The following PCDHA2 variants were observed in gnomAD, a reference collection of about 807,000 sequenced individuals.
PCDHA2 encodes the protein protocadherin alpha-2.
PCDHA2 carries 58 observed loss-of-function variants against 66.0 expected under a neutral mutation model. That is an observed-to-expected ratio of 0.88 (90% CI 0.71 to 1.09). The LOEUF is 1.09. PCDHA2 is among the 50% of genes least tolerant of loss of function. The pLI is 0.00. For synonymous variants in PCDHA2, 634 were observed against 554.0 expected (o/e 1.14, Z -2.03); for missense variants, 1,267 against 1,242.3 (o/e 1.02, Z -0.30).
At chr5:140,880,791 A>G (rs950375774) in intron 1 of PCDHA2, among the ~76,000 whole-genome samples, 4 of 152,242 alleles carry the variant, frequency 2.6e-5, no homozygotes, top group Non-Finnish European at 4.4e-5. Context: ...GAGGAGTAAT[A>G]TAAATAGGTG....
chr5:140,863,525 C>A, intron 1 of PCDHA2: 1 of 394,654 alleles, frequency 2.5e-6, no homozygotes, highest in South Asian at 2.0e-5. Context: ...TCCCATGGTT[C>A]AGATTTTGGA....
At chr5:140,940,101 G>A (rs754155361) in intron 1 of PCDHA2, among the ~76,000 whole-genome samples, 23 of 152,148 alleles carry the variant, frequency 1.5e-4, no homozygotes, top group Non-Finnish European at 3.2e-4. Flanking sequence ...AACTTTTAGC[G>A]TTATGTATTA....
chr5:140,909,620 A>C (rs576090849), intron 1 of PCDHA2, among the ~76,000 whole-genome samples: 1 of 152,122 alleles, frequency 6.6e-6, no homozygotes. Flanking sequence ...GGCAGCTCTA[A>C]TTGGTCTTCC....
chr5:140,886,815 A>G (rs1251237856), intron 1 of PCDHA2, among the ~76,000 whole-genome samples: 1 of 149,622 alleles, frequency 6.7e-6, no homozygotes, highest in African/African-American at 2.5e-5. Context: ...TGACAGAGCA[A>G]GACTTCGTCT....
chr5:141,004,142 G>A (rs1323224367), intron 3 of PCDHA2, among the ~76,000 whole-genome samples: 2 of 152,214 alleles, frequency 1.3e-5, no homozygotes, highest in African/African-American at 4.8e-5. Flanking sequence ...TGCCCCAAAG[G>A]CATGACATTT....
chr5:140,991,838 G>T (rs1056330823), intron 3 of PCDHA2, among the ~76,000 whole-genome samples: 1 of 152,110 alleles, frequency 6.6e-6, no homozygotes, highest in Non-Finnish European at 1.5e-5. Context: ...CGGCAGAACC[G>T]CACTTCCAGA....
chr5:140,829,358 T>C (rs2150166463), intron 1 of PCDHA2: 4 of 1,614,154 alleles, frequency 2.5e-6, no homozygotes, highest in Admixed American at 1.7e-5. Context: ...GGCCTATGAG[T>C]TGGTGGTAAC....
intron 3 of PCDHA2, among the ~76,000 whole-genome samples, chr5:140,993,452 T>C (rs1218728585): frequency 1.5e-5 from 2 of 135,256 alleles, no homozygotes; most frequent in Non-Finnish European, 3.1e-5. Flanking sequence ...CTGTTCTCCT[T>C]CTTTCTTTCT....
intron 1 of PCDHA2, chr5:140,868,884 T>G (rs2050712940): frequency 1.4e-6 from 1 of 728,466 alleles, no homozygotes; most frequent in South Asian, 2.1e-5. Context: ...ACTCACAGTT[T>G]TAGGCGCAAG....
chr5:140,894,827 T>G (rs2064691411), intron 1 of PCDHA2, among the ~76,000 whole-genome samples: 1 of 152,192 alleles, frequency 6.6e-6, no homozygotes, highest in South Asian at 2.1e-4. Flanking sequence ...TTGCCCATAA[T>G]CCTTTTCTTA....
chr5:140,814,452 T>G (rs2126655558), intron 1 of PCDHA2: 22 of 151,548 alleles, frequency 1.5e-4, no homozygotes, highest in Non-Finnish European at 2.9e-4. Flanking sequence ...CTTTTTTCTT[T>G]TTTTTTTTTG....
At chr5:140,941,244 T>TTTCG (rs2092953100) in intron 1 of PCDHA2, among the ~76,000 whole-genome samples, 1 of 141,602 alleles carries the variant, frequency 7.1e-6, no homozygotes, top group South Asian at 2.3e-4. Context: ...TCTTTCTTTC[T>TTTCG]TTCTTTCTTT....
chr5:140,912,241 T>C (rs939016891), intron 1 of PCDHA2, among the ~76,000 whole-genome samples: 1 of 152,164 alleles, frequency 6.6e-6, no homozygotes, highest in African/African-American at 2.4e-5. Flanking sequence ...GACTCAAATG[T>C]TAATCTCCTT....
At chr5:140,849,860 C>A in intron 1 of PCDHA2, 1 of 1,598,548 alleles carries the variant, frequency 6.3e-7, no homozygotes, top group South Asian at 1.1e-5. Flanking sequence ...CACCAGCGTT[C>A]GCGCAGTCCG....
intron 1 of PCDHA2, chr5:140,969,617 A>G (rs2096348108): frequency 4.3e-6 from 3 of 705,552 alleles, no homozygotes; most frequent in Non-Finnish European, 6.8e-6. Context: ...ACAGATTTGT[A>G]GAGAAACAGG....
At position 140,917,315 on chromosome 5, in the gene PCDHA2, T is replaced by C. The variant is rs1015690007; in HGVS notation, c.2389-61634T>C. Among the ~76,000 whole-genome samples, 5 of 128,328 alleles carry C rather than the reference T, an allele frequency of 3.9e-5. No homozygotes were observed. In the East Asian group the frequency reaches 1.3e-3, roughly 32 times the overall value. 84.2% of individuals were successfully genotyped at this position (128,328 alleles called of 152,430 possible). A position where few individuals can be genotyped will look rare whatever the true frequency, so the allele number is the denominator to read the frequency against. On this transcript the variant is annotated intron_variant, in intron 1 of 3. Coordinates refer to ENST00000526136, the MANE Select transcript of PCDHA2 (RefSeq NM_018905.3). Reference sequence around the variant, plus strand: ...TGCAGATAGTTGTTACAATTTGGTGTTCATGTGGCGGGGGAGGGGGGGGAT... The same window carrying C: ...TGCAGATAGTTGTTACAATTTGGTGCTCATGTGGCGGGGGAGGGGGGGGAT...
intron 1 of PCDHA2, among the ~76,000 whole-genome samples, chr5:140,893,162 G>A (rs2063851714): frequency 6.6e-6 from 1 of 152,202 alleles, no homozygotes; most frequent in Non-Finnish European, 1.5e-5. Flanking sequence ...GGATATTGAG[G>A]TTGATTCCAC....
intron 1 of PCDHA2, among the ~76,000 whole-genome samples, chr5:140,798,009 C>A (rs1452528045): frequency 6.6e-6 from 1 of 152,128 alleles, no homozygotes; most frequent in Non-Finnish European, 1.5e-5. Flanking sequence ...CCCACCACCA[C>A]GCCCGGCTAT....
In PCDHA2 at chr5:140,848,617, A is replaced by G; in HGVS notation, c.2388+51265A>G. The G allele has an allele frequency of 4.4e-6, 7 of 1,593,554 alleles. 2 individuals carry two copies. Among genetic ancestry groups the G allele is most frequent in the Non-Finnish European group, 6.0e-6 (7 of 1,163,964 alleles). On this transcript the variant is annotated intron_variant, in intron 1 of 3. Coordinates refer to ENST00000526136, the MANE Select transcript of PCDHA2 (RefSeq NM_018905.3). Reference sequence around the variant, plus strand: ...TACTCCGTCCCGGAGGAAGCCGAACACGGCACCTTCGTGGGCCGCATCGCG... The same window carrying G: ...TACTCCGTCCCGGAGGAAGCCGAACGCGGCACCTTCGTGGGCCGCATCGCG...
Sources: gnomAD v4.1 joint callset for allele counts (sites outside exome capture counted in the v4.1 genomes callset) on GRCh38, gnomAD v4.1.1 for gene constraint, MANE v1.5 for transcripts, NCBI Gene and HGNC (gene_info 2026-07-23, HGNC 2026-07-21) for gene names.